Variants in HIVEP3 observed in about 807,000 individuals in gnomAD.
The protein encoded by HIVEP3 is HIVEP zinc finger 3, also known as transcription factor HIVEP3.
HIVEP3 carries 49 observed loss-of-function variants against 152.8 expected under a neutral mutation model. The observed-to-expected ratio is 0.32, with a 90% confidence interval of 0.26 to 0.41. The LOEUF is 0.41. HIVEP3 is among the 10% of genes least tolerant of loss of function. The pLI, the probability that HIVEP3 is intolerant of heterozygous loss-of-function variation, is 1.00. For missense variants in HIVEP3, 2,790 were observed against 3,103.3 expected (o/e 0.90, Z 2.40); for synonymous variants, 1,269 against 1,289.0 (o/e 0.98, Z 0.33).
chr1:42,007,743 A>C (rs1006981112), intron 1 of HIVEP3, among the ~76,000 whole-genome samples: 2 of 152,192 alleles, frequency 1.3e-5, no homozygotes, highest in Non-Finnish European at 2.9e-5. Flanking sequence ...GCCAATGCTT[A>C]CTACTCAGTA....
At chr1:41,620,189 T>C (rs1256411174) in intron 3 of HIVEP3, among the ~76,000 whole-genome samples, 1 of 152,178 alleles carries the variant, frequency 6.6e-6, no homozygotes. Flanking sequence ...GCAGGGCTTG[T>C]CCTGACAGGT....
chr1:41,850,897 T>TG (rs1489035440), intron 1 of HIVEP3, among the ~76,000 whole-genome samples: 1 of 152,214 alleles, frequency 6.6e-6, no homozygotes, highest in Admixed American at 6.5e-5. Context: ...AGTTTCAACT[T>TG]GGACCTGTGC....
intron 5 of HIVEP3, among the ~76,000 whole-genome samples, chr1:41,572,821 G>C (rs1167833353): frequency 1.3e-5 from 2 of 152,220 alleles, no homozygotes; most frequent in African/African-American, 4.8e-5. Flanking sequence ...GTATCAACAT[G>C]GATGCACGTC....
intron 2 of HIVEP3, among the ~76,000 whole-genome samples, chr1:41,693,496 C>T (rs1009002179): frequency 3.9e-5 from 6 of 152,122 alleles, no homozygotes; most frequent in Non-Finnish European, 2.9e-5. Flanking sequence ...CCCATTTTTC[C>T]GCTGGCAATT....
intron 5 of HIVEP3, chr1:41,543,601 G>A (rs11590594): frequency 0.04 from 6,037 of 152,336 alleles, 194 homozygotes; most frequent in Middle Eastern, 0.078. Context: ...ATAGCTCCAG[G>A]GGGTGAGCAT....
rs981829522 is a variant in HIVEP3 at position 41,678,382 on chromosome 1, G to A, written c.-721+22534C>T. Reference sequence around the variant, plus strand: ...ACCTTGCTCTCCTTAGCCAGCTCTGGCTAAGGCTGGTGCTCTTTTAGAAGT... The same window carrying A: ...ACCTTGCTCTCCTTAGCCAGCTCTGACTAAGGCTGGTGCTCTTTTAGAAGT... On this transcript the variant is annotated intron_variant, in intron 2 of 8. Transcript: ENST00000372583. Among the ~76,000 whole-genome samples, 3 of 152,318 alleles carry A rather than the reference G, an allele frequency of 2.0e-5. No individual in the cohort carries two copies. In the South Asian group the frequency reaches 6.2e-4, roughly 32 times the overall value.
chr1:41,580,074 T>C lies in HIVEP3; in HGVS notation c.4724A>G (p.Glu1575Gly). ...TGACTTGGCTGGTCTGGAGGACGTTTCTGACAGAGGCAGAGAGCTCGGAGG... is the reference window on the plus strand; with the variant it reads ...TGACTTGGCTGGTCTGGAGGACGTTCCTGACAGAGGCAGAGAGCTCGGAGG... ...LAPPSSLPLS[E>G]TSSRPAKSQE... The change falls in exon 4 of 9, where the codon GAA (glutamate) becomes GGA (glycine). Residue 1575 changes from glutamate (E) to glycine (G), a missense_variant. Glu to Gly is a moderately conservative substitution (Grantham distance 98). Coordinates refer to ENST00000372583, the MANE Select transcript of HIVEP3 (RefSeq NM_024503.5). The C allele has an allele frequency of 6.2e-7, 1 of 1,614,244 alleles. No individual in the cohort carries two copies. The highest frequency in any genetic ancestry group is 8.5e-7 in the Non-Finnish European group (1 of 1,180,038).
chr1:41,577,593 G>C (rs565469592), intron 4 of HIVEP3, among the ~76,000 whole-genome samples: 1 of 152,306 alleles, frequency 6.6e-6, no homozygotes, highest in East Asian at 1.9e-4. Flanking sequence ...AAAGATCTAT[G>C]ACCAAACAAA....
At chr1:41,788,894 G>A (rs180854057) in intron 1 of HIVEP3, among the ~76,000 whole-genome samples, 89 of 152,304 alleles carry the variant, frequency 5.8e-4, no homozygotes, top group Non-Finnish European at 1.0e-3. Context: ...TTCCCTCTGA[G>A]GCCAAATCCT....
At chr1:41,665,609 G>A (rs1263011228) in intron 2 of HIVEP3, among the ~76,000 whole-genome samples, 1 of 150,004 alleles carries the variant, frequency 6.7e-6, no homozygotes, top group East Asian at 1.9e-4. Flanking sequence ...AAGATGGAAA[G>A]ATAAGATTCA....
rs151055315 is a variant in HIVEP3, at chr1:41,510,971, C to T, written c.6701G>A (p.Gly2234Glu). 1.2e-6 allele frequency: 2 copies of T among 1,613,408 alleles called. No homozygotes were observed. The highest frequency in any genetic ancestry group is 2.7e-5 in the African/African-American group (2 of 74,922). Residue 2234 changes from glycine (G) to glutamate (E), a missense_variant, in exon 9 of 9, where the codon GGG becomes GAG. Around this residue, in one of 9 missense-constraint regions of HIVEP3, gnomAD observed 816 missense variants for 806.5 expected, o/e 1.01. Transcript: ENST00000372583. Reference protein sequence around the residue: ...GFSGGGSDLTGAREAQERGRW... With the variant: ...GFSGGGSDLTEAREAQERGRW... Reference sequence around the variant, plus strand: ...GCCTCGCTCCTGGGCCTCCCGGGCCCCTGTCAGGTCGCTGCCACCCCCGGA... The same window carrying T: ...GCCTCGCTCCTGGGCCTCCCGGGCCTCTGTCAGGTCGCTGCCACCCCCGGA...
At chr1:41,766,532 G>A (rs1180227215) in intron 1 of HIVEP3, among the ~76,000 whole-genome samples, 1 of 152,252 alleles carries the variant, frequency 6.6e-6, no homozygotes, top group Non-Finnish European at 1.5e-5. Flanking sequence ...CACGGTATGA[G>A]ACAGGCAGTG....
chr1:41,530,095 C>T (rs1404333180), intron 5 of HIVEP3, among the ~76,000 whole-genome samples: 1 of 152,138 alleles, frequency 6.6e-6, no homozygotes, highest in Non-Finnish European at 1.5e-5. Context: ...TCCACCAGTA[C>T]AGGTGGACCC....
chr1:41,688,652 G>T (rs1646148421), intron 2 of HIVEP3, among the ~76,000 whole-genome samples: 1 of 152,204 alleles, frequency 6.6e-6, no homozygotes, highest in South Asian at 2.1e-4. Flanking sequence ...GTGGACTAGG[G>T]TGGGTAGGAA....
chr1:41,718,600 G>C (rs1646630251), intron 1 of HIVEP3, among the ~76,000 whole-genome samples: 1 of 152,182 alleles, frequency 6.6e-6, no homozygotes, highest in Non-Finnish European at 1.5e-5. Flanking sequence ...ATCCCACAGA[G>C]GATCTGCCCA....
chr1:41,569,130 T>C (rs1644214034), intron 5 of HIVEP3, among the ~76,000 whole-genome samples: 1 of 152,238 alleles, frequency 6.6e-6, no homozygotes, highest in Non-Finnish European at 1.5e-5. Context: ...GCCAGGAGCA[T>C]GCTTCCTGTA....
intron 5 of HIVEP3, among the ~76,000 whole-genome samples, chr1:41,562,769 C>T (rs1644098407): frequency 6.6e-6 from 1 of 152,116 alleles, no homozygotes; most frequent in Non-Finnish European, 1.5e-5. Context: ...GAGACAGAAT[C>T]CCAAGCCTGC....
At chr1:41,827,528 G>A (rs948720795) in intron 1 of HIVEP3, among the ~76,000 whole-genome samples, 1 of 152,122 alleles carries the variant, frequency 6.6e-6, no homozygotes, top group Non-Finnish European at 1.5e-5. Flanking sequence ...GGGTGGGCTG[G>A]GGACAGTGAG....
At chr1:41,821,899 T>C (rs897559698) in intron 1 of HIVEP3, among the ~76,000 whole-genome samples, 1 of 152,218 alleles carries the variant, frequency 6.6e-6, no homozygotes, top group Non-Finnish European at 1.5e-5. Context: ...GGGTCAGGTA[T>C]ACATCCAGCC....
Sources: gnomAD v4.1 joint callset for allele counts (sites outside exome capture counted in the v4.1 genomes callset) on GRCh38, gnomAD v4.1.1 for gene constraint, gnomAD v4.1.1 regional missense constraint, MANE v1.5 for transcripts, NCBI Gene and HGNC (gene_info 2026-07-23, HGNC 2026-07-21) for gene names.